Variants in TMTC2 observed in about 807,000 individuals in gnomAD.
TMTC2 encodes the protein transmembrane O-mannosyltransferase targeting cadherins 2, also known as protein O-mannosyl-transferase TMTC2.
TMTC2 carries 43 observed loss-of-function variants against 82.4 expected under a neutral mutation model. The ratio of observed to expected loss-of-function variants is 0.52; its 90% CI spans 0.41 to 0.67. The LOEUF is 0.67. Ranked by LOEUF, TMTC2 falls within the 30% of genes least tolerant of loss-of-function variation. The pLI is 0.00. For synonymous variants in TMTC2, 408 were observed against 381.9 expected, an observed-to-expected ratio of 1.07 and a Z score of -0.80; for missense variants, 919 against 1,012.4, an observed-to-expected ratio of 0.91 and a Z score of 1.25.
intron 1 of TMTC2, among the ~76,000 whole-genome samples, chr12:82,846,096 C>G (rs1337339063): frequency 6.6e-6 from 1 of 151,940 alleles, no homozygotes; most frequent in African/African-American, 2.4e-5. Flanking sequence ...CCATGGCTCA[C>G]GCCTGTAATC....
At chr12:82,766,620 C>G (rs1037073903) in intron 1 of TMTC2, among the ~76,000 whole-genome samples, 1 of 152,156 alleles carries the variant, frequency 6.6e-6, no homozygotes, top group Non-Finnish European at 1.5e-5. Flanking sequence ...TATTCTAGAT[C>G]AAGTCCGACG....
chr12:82,797,766 G>A (rs924220202), intron 1 of TMTC2, among the ~76,000 whole-genome samples: 1 of 151,864 alleles, frequency 6.6e-6, no homozygotes, highest in Non-Finnish European at 1.5e-5. Flanking sequence ...GACAGAACCA[G>A]GACAGTATTA....
chr12:82,813,810 T>G (rs993439361), intron 1 of TMTC2, among the ~76,000 whole-genome samples: 6 of 152,110 alleles, frequency 3.9e-5, no homozygotes, highest in Non-Finnish European at 8.8e-5. Flanking sequence ...TTATGGTTAA[T>G]TTCAACAAAT....
intron 8 of TMTC2, among the ~76,000 whole-genome samples, chr12:83,016,876 A>C (rs79623370): frequency 0.023 from 3,453 of 152,212 alleles, 139 homozygotes; most frequent in African/African-American, 0.078. Context: ...ATAGTATTTT[A>C]GGGCTTTTTA....
At chr12:83,003,634 A>G (rs1480427367) in intron 8 of TMTC2, among the ~76,000 whole-genome samples, 1 of 152,160 alleles carries the variant, frequency 6.6e-6, no homozygotes, top group Non-Finnish European at 1.5e-5. Flanking sequence ...TTTAGTATTT[A>G]CATGGCTGAG....
chr12:82,893,186 A>G lies in TMTC2; in HGVS notation c.655-2632A>G, dbSNP rs185566928. 5.9e-3 allele frequency among the ~76,000 whole-genome samples: 896 copies of G among 152,118 alleles called. 15 individuals are homozygous for G. Among genetic ancestry groups the G allele is most frequent in the African/African-American group, 0.02 (848 of 41,524 alleles). ...AGAGATCAAGACCATCCTGGCCAAC[A>G]TGGTGCAACCCCGTCTCTACTAAAA... On this transcript the variant is annotated intron_variant, in intron 2 of 11. Coordinates refer to ENST00000321196, the MANE Select transcript of TMTC2 (RefSeq NM_152588.3).
chr12:82,769,907 G>A (rs973566204), intron 1 of TMTC2, among the ~76,000 whole-genome samples: 6 of 152,116 alleles, frequency 3.9e-5, no homozygotes, highest in African/African-American at 1.4e-4. Flanking sequence ...ACCATACCCG[G>A]CCAAGACACT....
chr12:82,744,860 T>C (rs2136958151), intron 1 of TMTC2, among the ~76,000 whole-genome samples: 1 of 152,298 alleles, frequency 6.6e-6, no homozygotes, highest in South Asian at 2.1e-4. Context: ...TATGGAAACT[T>C]CAGTCTGAAA....
intron 1 of TMTC2, among the ~76,000 whole-genome samples, chr12:82,731,089 C>T (rs143774959): frequency 6.6e-6 from 1 of 152,124 alleles, no homozygotes; most frequent in Non-Finnish European, 1.5e-5. Context: ...GAATCAAGTG[C>T]TAGACTTATC....
intron 4 of TMTC2, among the ~76,000 whole-genome samples, chr12:82,940,529 T>C (rs1246188932): frequency 1.3e-5 from 2 of 152,132 alleles, no homozygotes; most frequent in Non-Finnish European, 2.9e-5. Context: ...GTAATTTCAA[T>C]TTTTTGCTGT....
intron 2 of TMTC2, among the ~76,000 whole-genome samples, chr12:82,858,652 T>C (rs1448515293): frequency 2.0e-5 from 3 of 152,184 alleles, no homozygotes; most frequent in Admixed American, 2.0e-4. Context: ...TGCCCTTTTT[T>C]TTTTTTCCTC....
chr12:82,844,300 T>C (rs1445286878), intron 1 of TMTC2, among the ~76,000 whole-genome samples: 1 of 152,212 alleles, frequency 6.6e-6, no homozygotes. Flanking sequence ...TGTTCTGAAA[T>C]GTGTACAGCA....
chr12:83,054,981 T>A (rs1272150298), intron 10 of TMTC2, among the ~76,000 whole-genome samples: 1 of 152,044 alleles, frequency 6.6e-6, no homozygotes, highest in Non-Finnish European at 1.5e-5. Context: ...ACCTACAGAC[T>A]CTACCAGTGG....
intron 9 of TMTC2, among the ~76,000 whole-genome samples, chr12:83,044,519 C>T (rs192093690): frequency 2.6e-5 from 4 of 152,158 alleles, no homozygotes; most frequent in Admixed American, 6.6e-5. Flanking sequence ...CTCAGACTGC[C>T]GTTTTGAGAA....
chr12:82,774,117 C>A (rs1247111676), intron 1 of TMTC2, among the ~76,000 whole-genome samples: 2 of 151,884 alleles, frequency 1.3e-5, no homozygotes, highest in Non-Finnish European at 2.9e-5. Flanking sequence ...ATTTATTCAG[C>A]AGTTTACAGG....
chr12:82,700,431 A>G (rs2136897695), intron 1 of TMTC2, among the ~76,000 whole-genome samples: 1 of 152,356 alleles, frequency 6.6e-6, no homozygotes, highest in Middle Eastern at 3.4e-3. Context: ...GCCAATATCC[A>G]AAATTTAAAC....
At chr12:82,920,115 C>G (rs996630238) in intron 3 of TMTC2, among the ~76,000 whole-genome samples, 3 of 151,976 alleles carry the variant, frequency 2.0e-5, no homozygotes, top group African/African-American at 7.3e-5. Context: ...TTTCAAAGAG[C>G]AGTGTATGCC....
rs66859423 is a variant in TMTC2 at position 82,845,226 on chromosome 12, C to CAAAAAAA, written c.84-11763_84-11757dup. Among the ~76,000 whole-genome samples the CAAAAAAA allele has an allele frequency of 3.1e-4, 14 of 45,562 alleles. 1 individual carries two copies. Among genetic ancestry groups the CAAAAAAA allele is most frequent in the African/African-American group, 7.1e-4 (7 of 9,846 alleles). The allele number at this position is 45,562 out of a possible 152,430, so 29.9% of individuals were successfully genotyped here. ...CCTGGGTGACAGAGCGTGACTGTCT[C>CAAAAAAA]AAAAAAAAAAAAAAAAAAAAAAAAA... On this transcript the variant is annotated intron_variant, in intron 1 of 11. Coordinates refer to ENST00000321196, the MANE Select transcript of TMTC2 (RefSeq NM_152588.3).
chr12:82,779,064 C>T (rs994351482), intron 1 of TMTC2, among the ~76,000 whole-genome samples: 5 of 150,308 alleles, frequency 3.3e-5, no homozygotes, highest in Non-Finnish European at 7.4e-5. Context: ...AAATCTCACA[C>T]AGCCTGAAAT....
Sources: gnomAD v4.1 joint callset for allele counts (sites outside exome capture counted in the v4.1 genomes callset) on GRCh38, gnomAD v4.1.1 for gene constraint, MANE v1.5 for transcripts, NCBI Gene and HGNC (gene_info 2026-07-23, HGNC 2026-07-21) for gene names.